The following NUP58 variants were observed in gnomAD, a reference collection of about 807,000 sequenced individuals.
NUP58 encodes nucleoporin p58/p45.
Under a neutral mutation model 70.1 loss-of-function variants are expected in NUP58, and 17 were observed. The ratio of observed to expected loss-of-function variants is 0.24; its 90% confidence interval spans 0.17 to 0.36. The LOEUF (loss-of-function observed/expected upper bound fraction) is 0.36. Among genes scored for constraint, NUP58 ranks in the 10% least tolerant of loss-of-function variants. NUP58 has a pLI of 1.00. For missense variants in NUP58, 644 were observed against 701.5 expected (o/e 0.92, Z 0.93); for synonymous variants, 275 against 257.6 (o/e 1.07, Z -0.65).
chr13:25,304,478 TTATATATA>T (rs67019897), intron 1 of NUP58, among the ~76,000 whole-genome samples: 8,226 of 83,236 alleles, frequency 0.099, 476 homozygotes, highest in Admixed American at 0.18. Context: ...GTTGTCAAGA[TTATATATA>T]TATATATATA....
chr13:25,312,747 A>G, intron 3 of NUP58, 136 bp from the exon 4 acceptor site: 2 of 744,414 alleles, frequency 2.7e-6, no homozygotes, highest in Non-Finnish European at 4.2e-6. Flanking sequence ...TTTCTCTCAC[A>G]GATACACCCT....
chr13:25,317,256 A>T (rs1008173424), intron 6 of NUP58, among the ~76,000 whole-genome samples: 2 of 151,604 alleles, frequency 1.3e-5, no homozygotes. Context: ...GAGGTTCCAG[A>T]AGTCATGGAG....
rs187893788 is a variant in NUP58, at chr13:25,334,906, T to A, written c.1436-2030T>A. On this transcript the variant is annotated intron_variant, in intron 13 of 15. Coordinates refer to ENST00000381736, the MANE Select transcript of NUP58 (RefSeq NM_014089.4). ...TATATCACTACAAACTTAATTTTAT[T>A]TATGGAAATAAGAACCTCTCATTGG... 2.4e-3 allele frequency: 2,333 copies of A among 984,846 alleles called. 5 individuals carry two copies. Among genetic ancestry groups the A allele is most frequent in the South Asian group, 0.02 (435 of 21,272 alleles). 61.0% of individuals were successfully genotyped at this position (984,846 alleles called of 1,614,324 possible).
At chr13:25,330,470 G>T (rs1348243780) in intron 12 of NUP58, among the ~76,000 whole-genome samples, 2 of 152,150 alleles carry the variant, frequency 1.3e-5, no homozygotes, top group Non-Finnish European at 2.9e-5. Flanking sequence ...TGCTGTATTT[G>T]TTATAATCAG....
At chr13:25,308,292 A>G (rs1221864605) in intron 2 of NUP58, among the ~76,000 whole-genome samples, 2 of 151,962 alleles carry the variant, frequency 1.3e-5, no homozygotes, top group Non-Finnish European at 2.9e-5. Flanking sequence ...TTACTGTAAC[A>G]TAATTTCTAT....
chr13:25,326,170 C>T (rs941535524), intron 10 of NUP58, among the ~76,000 whole-genome samples: 1 of 152,184 alleles, frequency 6.6e-6, no homozygotes, highest in African/African-American at 2.4e-5. Context: ...TCGTCTTACT[C>T]AGGTTGGCAT....
At chr13:25,345,451 CTG>C (rs751426008), downstream of NUP58, among the ~76,000 whole-genome samples, 2 of 152,088 alleles carry the variant, frequency 1.3e-5, 1 homozygote, top group South Asian at 4.1e-4. Flanking sequence ...GGAATACTAT[CTG>C]TGGTGTAAAG....
At chr13:25,325,104 A>G (rs754111402) in intron 10 of NUP58, 36 bp downstream of exon 10, 2 of 1,423,682 alleles carry the variant, frequency 1.4e-6, no homozygotes, top group Non-Finnish European at 2.0e-6. Context: ...AATGTTTCTC[A>G]CTTTCAGAAA....
intron 9 of NUP58, among the ~76,000 whole-genome samples, chr13:25,322,484 C>T (rs943906171): frequency 6.6e-6 from 1 of 152,032 alleles, no homozygotes; most frequent in Non-Finnish European, 1.5e-5. Context: ...TTGCAAAATC[C>T]AAAACTTTTT....
chr13:25,323,369 AAAATT>A (rs1265811689), intron 9 of NUP58, among the ~76,000 whole-genome samples: 5 of 40,862 alleles, frequency 1.2e-4, no homozygotes, highest in East Asian at 1.1e-3. Context: ...CTTAAAAAAT[AAAATT>A]AAATTAAAAA....
rs773006565 is a variant in NUP58 at position 25,301,859 on chromosome 13, C to T, written c.86C>T (p.Ser29Phe). 3.1e-6 allele frequency: 5 copies of T among 1,613,172 alleles called. No homozygotes were observed. Among genetic ancestry groups the T allele is most frequent in the South Asian group, 2.2e-5 (2 of 90,988 alleles). The part of the protein sequence containing the change: ...AGGTSTGGVF[S>F]FGTGASSNPS... ...GGGACCAGCACAGGCGGCGTTTTCTCCTTCGGAACGGGAGCGTCTAGGTAA... is the reference window on the plus strand; with the variant it reads ...GGGACCAGCACAGGCGGCGTTTTCTTCTTCGGAACGGGAGCGTCTAGGTAA... Residue 29 changes from serine (S) to phenylalanine (F), a missense_variant, in exon 1 of 16, where the codon TCC becomes TTC. By Grantham distance (155) the Ser-to-Phe change is radical. Around this residue, in one of 4 missense-constraint regions of NUP58, gnomAD observed 430 missense variants for 409.2 expected, o/e 1.05. Transcript: ENST00000381736.
At chr13:25,338,216 T>G (rs1442183230) in intron 14 of NUP58, among the ~76,000 whole-genome samples, 1 of 152,158 alleles carries the variant, frequency 6.6e-6, no homozygotes, top group African/African-American at 2.4e-5. Context: ...AATAACCTTG[T>G]AGTATTTAGT....
chr13:25,330,928 T>C (rs1192518850), intron 12 of NUP58, among the ~76,000 whole-genome samples: 1 of 152,158 alleles, frequency 6.6e-6, no homozygotes, highest in Non-Finnish European at 1.5e-5. Context: ...GACTTTTTTT[T>C]CTTTCTTTTT....
At chr13:25,313,473 G>A (rs1566059941) in intron 4 of NUP58, 141 bp from the exon 5 acceptor site, 1 of 711,756 alleles carries the variant, frequency 1.4e-6, no homozygotes. Flanking sequence ...TTATTCTTAA[G>A]TATGTAATTT....
At chr13:25,323,625 T>C (rs1353846385) in intron 9 of NUP58, among the ~76,000 whole-genome samples, 3 of 152,224 alleles carry the variant, frequency 2.0e-5, no homozygotes, top group Non-Finnish European at 2.9e-5. Context: ...CTGGGAAATA[T>C]AAGCAGTTCT....
intron 4 of NUP58, 47 bp downstream of exon 4, chr13:25,313,079 T>G (rs778622526): frequency 6.3e-6 from 10 of 1,587,838 alleles, no homozygotes; most frequent in Non-Finnish European, 8.6e-6. Context: ...AAATTTCAAT[T>G]TTATCTGGTT....
intron 1 of NUP58, among the ~76,000 whole-genome samples, chr13:25,304,494 A>G (rs1407525363): frequency 6.5e-5 from 6 of 92,340 alleles, no homozygotes; most frequent in East Asian, 6.5e-4. Flanking sequence ...ATATATATAT[A>G]TATATATATA....
intron 1 of NUP58, among the ~76,000 whole-genome samples, chr13:25,305,141 T>G (rs113126268): frequency 1.6e-4 from 19 of 118,770 alleles, no homozygotes; most frequent in African/African-American, 5.7e-4. Context: ...TTTTTTTTTT[T>G]TTTTTTTTTT....
chr13:25,335,085 T>G (rs1393048243), intron 13 of NUP58: 1 of 984,776 alleles, frequency 1.0e-6, no homozygotes, highest in Non-Finnish European at 1.2e-6. Context: ...TTATCATGAG[T>G]TTTTACTATT....
Sources: allele counts gnomAD v4.1 joint callset (sites outside exome capture counted in the v4.1 genomes callset), GRCh38; gene constraint gnomAD v4.1.1; regional missense constraint gnomAD v4.1.1; transcripts MANE v1.5; gene names NCBI Gene and HGNC (gene_info 2026-07-23, HGNC 2026-07-21).